The following STXBP4 variants were observed in gnomAD, a reference collection of about 807,000 sequenced individuals.
STXBP4 encodes syntaxin binding protein 4.
STXBP4 carries 55 observed loss-of-function variants against 76.1 expected under a neutral mutation model. The ratio of observed to expected loss-of-function variants is 0.72; its 90% CI spans 0.58 to 0.91. The LOEUF is 0.91. Among genes scored for constraint, STXBP4 ranks in the 40% least tolerant of loss-of-function variants. The probability of loss-of-function intolerance (pLI) is 0.00; values close to 1 mark genes in which losing one functional copy is unlikely to be tolerated. For missense variants in STXBP4, 618 were observed against 636.9 expected, an observed-to-expected ratio of 0.97 and a Z score of 0.32; for synonymous variants, 201 against 220.2, an observed-to-expected ratio of 0.91 and a Z score of 0.77.
At chr17:55,207,171 CT>C in the STXBP4 span, among the ~76,000 whole-genome samples, 39 of 152,272 alleles carry the variant, frequency 2.6e-4, 1 homozygote, top group African/African-American at 9.1e-4. Flanking sequence ...CTCACACATT[CT>C]TTTTCCACCA....
chr17:55,193,697 C>CT, the STXBP4 span, among the ~76,000 whole-genome samples: 1 of 150,768 alleles, frequency 6.6e-6, no homozygotes, highest in Admixed American at 6.6e-5. Context: ...AACTAAGGGG[C>CT]TTCTAAATAT....
At chr17:54,989,377 G>A (rs1445287806) in intron 3 of STXBP4, among the ~76,000 whole-genome samples, 1 of 152,310 alleles carries the variant, frequency 6.6e-6, no homozygotes, top group Non-Finnish European at 1.5e-5. Flanking sequence ...TTATAGGCAT[G>A]AGCCACCATG....
chr17:55,082,077 C>G (rs1187351341), intron 16 of STXBP4, among the ~76,000 whole-genome samples: 1 of 151,976 alleles, frequency 6.6e-6, no homozygotes, highest in East Asian at 1.9e-4. Flanking sequence ...CAACAATGTG[C>G]TAATGTACTG....
chr17:55,080,946 T>A (rs2079247391), intron 15 of STXBP4, 104 bp from the exon 16 acceptor site: 5 of 1,119,102 alleles, frequency 4.5e-6, no homozygotes, highest in Admixed American at 3.3e-5. Flanking sequence ...CTCAGAAATA[T>A]AAATATTTTT....
the STXBP4 span, among the ~76,000 whole-genome samples, chr17:55,199,359 C>T: frequency 1.3e-5 from 2 of 152,180 alleles, no homozygotes; most frequent in African/African-American, 4.8e-5. Flanking sequence ...AGGAAGTGAT[C>T]AAAGTCCTCC....
chr17:54,983,784 A>G (rs1420041900), intron 1 of STXBP4, among the ~76,000 whole-genome samples: 1 of 152,156 alleles, frequency 6.6e-6, no homozygotes, highest in African/African-American at 2.4e-5. Flanking sequence ...TGTATCATTA[A>G]AGCAGTCTAT....
intron 1 of STXBP4, among the ~76,000 whole-genome samples, chr17:54,978,427 A>G (rs2077501563): frequency 6.6e-6 from 1 of 152,306 alleles, no homozygotes; most frequent in East Asian, 1.9e-4. Flanking sequence ...AAGTGTATTT[A>G]TTTCTACTGC....
Position 55,170,593 on chromosome 17 carries a change from C to T in STXBP4, c.*10682C>T, listed in dbSNP as rs1567791106. 1 of 151,684 alleles carries T rather than the reference C, an allele frequency of 6.6e-6. No individual in the cohort carries two copies. Among genetic ancestry groups the T allele is most frequent in the East Asian group, 1.9e-4 (1 of 5,188 alleles). The allele number at this position is 151,684 out of a possible 1,614,324, so 9.4% of individuals were successfully genotyped here. A position where few individuals can be genotyped will look rare whatever the true frequency, so the allele number is the denominator to read the frequency against. On this transcript the variant is annotated 3_prime_UTR_variant, in exon 18 of 18. Transcript: ENST00000376352. The stretch of plus-strand genomic sequence containing the variant: ...TGATTTGATTATATATTTTTATTTC[C>T]ACTTATATTTTCTAGGATTATTTTG...
the STXBP4 span, among the ~76,000 whole-genome samples, chr17:55,211,333 G>A: frequency 5.3e-5 from 8 of 152,040 alleles, no homozygotes; most frequent in South Asian, 2.1e-4. Context: ...TCCACCTCCC[G>A]GGTTCAAGTG....
At chr17:55,137,941 C>T (rs1268250452) in intron 16 of STXBP4, among the ~76,000 whole-genome samples, 1 of 152,108 alleles carries the variant, frequency 6.6e-6, no homozygotes, top group African/African-American at 2.4e-5. Context: ...CATGGTATCT[C>T]ATAATAACTT....
chr17:54,977,442 A>G (rs1205416092), intron 1 of STXBP4, among the ~76,000 whole-genome samples: 5 of 152,194 alleles, frequency 3.3e-5, no homozygotes. Flanking sequence ...ATTATAAGTA[A>G]TCTAGGGATG....
In STXBP4 at chr17:55,163,342, G is replaced by C. The variant is rs2080353996; in HGVS notation, c.*3431G>C. 6.6e-6 allele frequency: 1 copy of C among 151,888 alleles called. No individual in the cohort carries two copies. Among genetic ancestry groups the C allele is most frequent in the Non-Finnish European group, 1.5e-5 (1 of 67,988 alleles). The allele number at this position is 151,888 out of a possible 1,614,324, so 9.4% of individuals were successfully genotyped here. On this transcript the variant is annotated 3_prime_UTR_variant, in exon 18 of 18. Coordinates refer to ENST00000376352, the MANE Select transcript of STXBP4 (RefSeq NM_178509.6). Reference sequence around the variant, plus strand: ...CAGAGACTGACTTGCTGTATAGAGGGAAGTCAAGTAGTGACTAACTCACTA... The same window carrying C: ...CAGAGACTGACTTGCTGTATAGAGGCAAGTCAAGTAGTGACTAACTCACTA...
intron 12 of STXBP4, among the ~76,000 whole-genome samples, chr17:55,071,633 A>G (rs748894260): frequency 6.6e-6 from 1 of 152,198 alleles, no homozygotes; most frequent in East Asian, 1.9e-4. Context: ...CTTTTTGTCT[A>G]TATTGTTTAG....
intron 16 of STXBP4, among the ~76,000 whole-genome samples, chr17:55,102,911 C>T (rs911113660): frequency 1.3e-5 from 2 of 151,996 alleles, no homozygotes; most frequent in Admixed American, 6.6e-5. Flanking sequence ...GTTTTTTGAC[C>T]GCATAAATGT....
At chr17:55,209,237 C>A in the STXBP4 span, among the ~76,000 whole-genome samples, 1 of 152,194 alleles carries the variant, frequency 6.6e-6, no homozygotes, top group East Asian at 1.9e-4. Flanking sequence ...TGTTAGGAGA[C>A]CCAGTGAGGC....
chr17:55,046,640 A>G (rs979465890), intron 11 of STXBP4, among the ~76,000 whole-genome samples: 1 of 151,936 alleles, frequency 6.6e-6, no homozygotes, highest in Admixed American at 6.6e-5. Context: ...ATGCCTTTTC[A>G]TGGATAATCT....
At chr17:55,061,426 G>A (rs898801113) in intron 12 of STXBP4, among the ~76,000 whole-genome samples, 1 of 152,080 alleles carries the variant, frequency 6.6e-6, no homozygotes, top group African/African-American at 2.4e-5. Flanking sequence ...GCACTAGTAG[G>A]TGTTTTAAGA....
At chr17:54,992,169 T>C (rs1354754325) in intron 4 of STXBP4, among the ~76,000 whole-genome samples, 1 of 151,956 alleles carries the variant, frequency 6.6e-6, no homozygotes, top group Non-Finnish European at 1.5e-5. Flanking sequence ...AATCCTAGCT[T>C]TGGGGAGGCA....
intron 16 of STXBP4, among the ~76,000 whole-genome samples, chr17:55,096,635 G>A (rs540132630): frequency 7.6e-4 from 113 of 149,204 alleles, no homozygotes; most frequent in African/African-American, 2.6e-3. Context: ...TTAAGAATAA[G>A]CATTTGTTAC....
Sources: gnomAD v4.1 joint callset for allele counts (sites outside exome capture counted in the v4.1 genomes callset) on GRCh38, gnomAD v4.1.1 for gene constraint, MANE v1.5 for transcripts, NCBI Gene and HGNC (gene_info 2026-07-23, HGNC 2026-07-21) for gene names.